WWOX: variants seen among roughly 807,000 people sequenced by gnomAD.
WWOX encodes the protein WW domain containing oxidoreductase.
WWOX carries 69 observed loss-of-function variants against 46.2 expected under a neutral mutation model. That is an observed-to-expected ratio of 1.49 (90% CI 1.23 to 1.82). The LOEUF is 1.82. WWOX is among the 40% of genes most tolerant of loss of function. The pLI is 0.00. For synonymous variants in WWOX, 359 were observed against 202.6 expected (o/e 1.77, Z -6.56); for missense variants, 919 against 542.6 (o/e 1.69, Z -6.89).
chr16:78,783,083 T>C (rs966658799), intron 8 of WWOX, among the ~76,000 whole-genome samples: 3 of 152,212 alleles, frequency 2.0e-5, no homozygotes, highest in Non-Finnish European at 4.4e-5. Context: ...AATGCACCTA[T>C]ATGCACAAAA....
chr16:79,130,683 C>G (rs923471356), intron 8 of WWOX, among the ~76,000 whole-genome samples: 27 of 152,214 alleles, frequency 1.8e-4, no homozygotes, highest in African/African-American at 5.8e-4. Context: ...GAAACAATGA[C>G]TAATTAGACC....
chr16:78,656,244 C>G (rs947282050), intron 8 of WWOX, among the ~76,000 whole-genome samples: 1 of 152,096 alleles, frequency 6.6e-6, no homozygotes, highest in Non-Finnish European at 1.5e-5. Flanking sequence ...CATCATCCTT[C>G]GGTGGTAGAT....
intron 8 of WWOX, among the ~76,000 whole-genome samples, chr16:78,966,966 G>C (rs919703440): frequency 6.6e-6 from 1 of 152,180 alleles, no homozygotes; most frequent in African/African-American, 2.4e-5. Flanking sequence ...TAAATACTGA[G>C]TTATTTCTTA....
rs1412099630 is a variant in WWOX, at chr16:78,878,862, C to A, written c.1057-332746C>A. Among the ~76,000 whole-genome samples the A allele has an allele frequency of 2.1e-5, 3 of 139,724 alleles. No individual in the cohort carries two copies. In the East Asian group the frequency reaches 6.3e-4, roughly 30 times the overall value. The allele number at this position is 139,724 out of a possible 152,430, so 91.7% of individuals were successfully genotyped here. A position where few individuals can be genotyped will look rare whatever the true frequency, so the allele number is the denominator to read the frequency against. On this transcript the variant is annotated intron_variant, in intron 8 of 8. Transcript: ENST00000566780. ...CTTGAGTCCAGGAGTTTGAGACCAGCCTGGGCAAGATAGCAAAATACTATC... is the reference window on the plus strand; with the variant it reads ...CTTGAGTCCAGGAGTTTGAGACCAGACTGGGCAAGATAGCAAAATACTATC...
intron 6 of WWOX, among the ~76,000 whole-genome samples, chr16:78,415,802 C>A (rs2151952874): frequency 6.6e-6 from 1 of 152,274 alleles, no homozygotes; most frequent in African/African-American, 2.4e-5. Context: ...TTGTCACTCT[C>A]ATTGATGACA....
intron 8 of WWOX, among the ~76,000 whole-genome samples, chr16:78,855,084 A>C (rs949456123): frequency 2.0e-5 from 3 of 152,062 alleles, no homozygotes; most frequent in Non-Finnish European, 2.9e-5. Context: ...GAAAGTGGGG[A>C]CCACCCCCCA....
chr16:78,986,031 C>T (rs1319432953), intron 8 of WWOX, among the ~76,000 whole-genome samples: 2 of 152,136 alleles, frequency 1.3e-5, no homozygotes, highest in Non-Finnish European at 2.9e-5. Flanking sequence ...ATCCCAGGGT[C>T]AGAATTTTAT....
chr16:78,462,830 C>T lies in WWOX; in HGVS notation c.1056+30078C>T, dbSNP rs150653133. ...AGAAACGAGGCAGCGGGCACTGGGG[C>T]AGCCACATAGACAACATCTAAATTT... On this transcript the variant is annotated intron_variant, in intron 8 of 8. Coordinates refer to ENST00000566780, the MANE Select transcript of WWOX (RefSeq NM_016373.4). Among the ~76,000 whole-genome samples the T allele has an allele frequency of 3.9e-5, 6 of 152,342 alleles. No homozygotes were observed. In the South Asian group the frequency reaches 1.0e-3, roughly 26 times the overall value.
chr16:78,585,574 C>G (rs2045177031), intron 8 of WWOX, among the ~76,000 whole-genome samples: 1 of 152,190 alleles, frequency 6.6e-6, no homozygotes. Context: ...CTTATAGTGG[C>G]TCCACCAGGA....
intron 5 of WWOX, among the ~76,000 whole-genome samples, chr16:78,310,003 T>C (rs1420189070): frequency 1.3e-5 from 2 of 152,166 alleles, no homozygotes. Flanking sequence ...ATTTAGTTAC[T>C]GTCGCTCCTG....
intron 4 of WWOX, among the ~76,000 whole-genome samples, chr16:78,117,958 A>G (rs2032888908): frequency 1.3e-5 from 2 of 152,130 alleles, no homozygotes; most frequent in African/African-American, 4.8e-5. Context: ...GTGACTCCAC[A>G]ATAAAAACAT....
At position 79,183,810 on chromosome 16, in the gene WWOX, A is replaced by G. The variant is rs548194011; in HGVS notation, c.1057-27798A>G. On this transcript the variant is annotated intron_variant, in intron 8 of 8. Transcript: ENST00000566780. ...AGGTCCCAGAGCTGGAATTTGAACCAAAGGTTCTGTGCCTCCCAAATTTGT... is the reference window on the plus strand; with the variant it reads ...AGGTCCCAGAGCTGGAATTTGAACCGAAGGTTCTGTGCCTCCCAAATTTGT... Among the ~76,000 whole-genome samples, 10 of 152,296 alleles carry G rather than the reference A, an allele frequency of 6.6e-5. No individual in the cohort carries two copies. In the South Asian group the frequency reaches 1.7e-3, roughly 25 times the overall value.
intron 8 of WWOX, among the ~76,000 whole-genome samples, chr16:78,625,020 A>G (rs1488040673): frequency 6.6e-6 from 1 of 152,158 alleles, no homozygotes; most frequent in Non-Finnish European, 1.5e-5. Flanking sequence ...TCACTGGAAC[A>G]AGAGCCTGTC....
chr16:79,182,840 G>A (rs1357592543), intron 8 of WWOX, among the ~76,000 whole-genome samples: 1 of 152,234 alleles, frequency 6.6e-6, no homozygotes, highest in Non-Finnish European at 1.5e-5. Context: ...ATATATGTGG[G>A]TGGGTGTGTT....
intron 8 of WWOX, among the ~76,000 whole-genome samples, chr16:78,744,422 CTTTTTTTTTTT>C (rs976073233): frequency 6.9e-4 from 57 of 82,244 alleles, no homozygotes; most frequent in African/African-American, 2.9e-3. Flanking sequence ...GTCCACACTG[CTTTTTTTTTTT>C]TTTTTTTTTT....
chr16:78,526,386 T>A (rs1234034127), intron 8 of WWOX: 2 of 152,198 alleles, frequency 1.3e-5, no homozygotes, highest in Admixed American at 6.5e-5. Flanking sequence ...GGACCCCTCA[T>A]GTGGGGGCCT....
chr16:79,207,901 T>G (rs997016801), intron 8 of WWOX, among the ~76,000 whole-genome samples: 1 of 152,198 alleles, frequency 6.6e-6, no homozygotes, highest in African/African-American at 2.4e-5. Context: ...TGGCTAGCAG[T>G]TATCAAATGA....
chr16:78,805,875 G>A (rs1253137281), intron 8 of WWOX, among the ~76,000 whole-genome samples: 1 of 152,030 alleles, frequency 6.6e-6, no homozygotes, highest in Non-Finnish European at 1.5e-5. Flanking sequence ...GTTTTTTTCT[G>A]CCTTGTTGGG....
At chr16:78,979,021 T>A (rs1471316400) in intron 8 of WWOX, among the ~76,000 whole-genome samples, 2 of 151,754 alleles carry the variant, frequency 1.3e-5, no homozygotes, top group African/African-American at 4.8e-5. Flanking sequence ...GCATCGACCT[T>A]CATCAGCATC....
Sources: allele counts gnomAD v4.1 joint callset (sites outside exome capture counted in the v4.1 genomes callset), GRCh38; gene constraint gnomAD v4.1.1; transcripts MANE v1.5; gene names NCBI Gene and HGNC (gene_info 2026-07-23, HGNC 2026-07-21).